The following LSS variants were observed in gnomAD, a reference collection of about 807,000 sequenced individuals.
The protein encoded by LSS is lanosterol synthase.
In LSS, 90 loss-of-function variants were observed where a neutral mutation model predicts 110.3. That is an observed-to-expected ratio of 0.82 (90% CI 0.69 to 0.97). The LOEUF (loss-of-function observed/expected upper bound fraction) is 0.97, where lower values mean the gene tolerates loss of function less well. LSS is among the 50% of genes least tolerant of loss of function. The pLI is 0.00. For missense variants in LSS, 927 were observed against 990.0 expected (o/e 0.94, Z 0.85); for synonymous variants, 433 against 400.0 (o/e 1.08, Z -0.98).
rs2079761103 is a variant in LSS, at chr21:46,188,529, T to C, written c.*2575A>G. The stretch of plus-strand genomic sequence containing the variant: ...CACCGGTACAGCTGCCATCTCCTCT[T>C]GGTGGTGTCCTTTGTCAAGAGCATG... On this transcript the variant is annotated 3_prime_UTR_variant, in exon 22 of 22. Transcript: ENST00000397728. The C allele has an allele frequency of 2.7e-4, 111 of 417,830 alleles. No individual in the cohort carries two copies. The highest frequency in any genetic ancestry group is 2.0e-3 in the Admixed American group (67 of 33,020). 25.9% of individuals were successfully genotyped at this position (417,830 alleles called of 1,614,324 possible).
At chr21:46,206,068 C>A in intron 16 of LSS, 127 bp from the exon 17 acceptor site, 1 of 670,130 alleles carries the variant, frequency 1.5e-6, no homozygotes, top group Non-Finnish European at 2.6e-6. Context: ...CCTCCCTGAC[C>A]AACCTCCAGA....
chr21:46,216,485 G>C lies in LSS; in HGVS notation c.687C>G (p.Leu229=). Residue 229 remains leucine (L), a synonymous_variant, in exon 7 of 22, where the codon CTC becomes CTG. Transcript: ENST00000397728. This position sits in a 1 kb window ranked among gnomAD's most constrained non-coding sequence, Gnocchi z 4.2. ...GGTACACCTGCCGGCAGTGGCACCA[G>C]AGTGTGGAGGGGTGTGCCGGTGCCC... ...PDWAPAHPST[L]WCHCRQVYLP... The C allele has an allele frequency of 6.2e-7, 1 of 1,613,110 alleles. No individual in the cohort carries two copies. Among genetic ancestry groups the C allele is most frequent in the South Asian group, 1.1e-5 (1 of 91,036 alleles).
rs543253862 is a variant in LSS at position 46,209,990 on chromosome 21, C to G, written c.1195-365G>C. Reference sequence around the variant, plus strand: ...TTCAGAATCCCACCTACCTCATTCCCACCGGCATAAAAATCCACTCTCGTT... The same window carrying G: ...TTCAGAATCCCACCTACCTCATTCCGACCGGCATAAAAATCCACTCTCGTT... On this transcript the variant is annotated intron_variant, in intron 12 of 21. Transcript: ENST00000397728. This position sits in a 1 kb window ranked among gnomAD's most constrained non-coding sequence, Gnocchi z 4.4. 6.6e-6 allele frequency among the ~76,000 whole-genome samples: 1 copy of G among 152,200 alleles called. No individual in the cohort carries two copies. Among genetic ancestry groups the G allele is most frequent in the African/African-American group, 2.4e-5 (1 of 41,528 alleles).
In LSS at chr21:46,195,848, C is replaced by T; in HGVS notation, c.1737-92G>A. 4.9e-6 allele frequency: 5 copies of T among 1,016,280 alleles called. No homozygotes were observed. The Admixed American group carries it at 9.4e-5, about 19-fold the overall frequency. 63.0% of individuals were successfully genotyped at this position (1,016,280 alleles called of 1,614,324 possible). Reference sequence around the variant, plus strand: ...CATTCTGCAACAATCACACGTGCCCCAGCCAGCCCACCAACTCCAGTGCCT... The same window carrying T: ...CATTCTGCAACAATCACACGTGCCCTAGCCAGCCCACCAACTCCAGTGCCT... On this transcript the variant is annotated intron_variant, in intron 18 of 21. Coordinates refer to ENST00000397728, the MANE Select transcript of LSS (RefSeq NM_002340.6).
Position 46,227,556 on chromosome 21 carries a change from C to T in LSS, c.315G>A (p.Leu105=). 6.2e-7 allele frequency: 1 copy of T among 1,613,982 alleles called. No individual in the cohort carries two copies. Among genetic ancestry groups the T allele is most frequent in the Non-Finnish European group, 8.5e-7 (1 of 1,179,984 alleles). Residue 105 remains leucine, a synonymous_variant, in exon 3 of 22, where the codon CTG becomes CTA. Coordinates refer to ENST00000397728, the MANE Select transcript of LSS (RefSeq NM_002340.6). ...TGDYGGPLFL[L]PGLLITCHVA... ...GCTGGGGCAGCATACTCCTACCTGG[C>T]AGGAGGAAAAGTGGGCCACCATAAT...
At chr21:46,208,366 G>A in intron 13 of LSS, 65 bp from the exon 14 acceptor site, 1 of 1,372,386 alleles carries the variant, frequency 7.3e-7, no homozygotes. Context: ...CCCCATCTGG[G>A]ACATCGCTGA....
At chr21:46,212,182 T>C (rs2080143113) in intron 11 of LSS, among the ~76,000 whole-genome samples, 5 of 152,202 alleles carry the variant, frequency 3.3e-5, no homozygotes, top group Admixed American at 2.6e-4. Flanking sequence ...CCGGGGAGCC[T>C]CTGGGGAGCT....
chr21:46,204,972 G>A (rs572169673), intron 17 of LSS, among the ~76,000 whole-genome samples: 3 of 152,128 alleles, frequency 2.0e-5, no homozygotes, highest in South Asian at 4.2e-4. Context: ...TGTGACCAAG[G>A]TGAGTCTACA....
rs758316663 is a variant in LSS at position 46,195,769 on chromosome 21, A to G, written c.1737-13T>C. 2 of 1,610,908 alleles carry G rather than the reference A, an allele frequency of 1.2e-6. No individual in the cohort carries two copies. Among genetic ancestry groups the G allele is most frequent in the African/African-American group, 1.3e-5 (1 of 75,034 alleles). Reference sequence around the variant, plus strand: ...AACTCCCCAGGAGCTGGAGGGAAACAGGGAGAGCCTCAGCCCTTCCACCCT... The same window carrying G: ...AACTCCCCAGGAGCTGGAGGGAAACGGGGAGAGCCTCAGCCCTTCCACCCT... On this transcript the variant is annotated splice_polypyrimidine_tract_variant and intron_variant, in intron 18 of 21. Transcript: ENST00000397728.
intron 17 of LSS, among the ~76,000 whole-genome samples, chr21:46,203,128 C>A (rs1427326452): frequency 6.6e-6 from 1 of 152,232 alleles, no homozygotes; most frequent in Non-Finnish European, 1.5e-5. Context: ...CCAGGTCAGA[C>A]AGCCAGAAGG....
chr21:46,222,430 T>C, intron 4 of LSS, 200 bp downstream of exon 4: 1 of 579,716 alleles, frequency 1.7e-6, no homozygotes, highest in South Asian at 2.1e-5. Flanking sequence ...AAAATCCATT[T>C]AACAAAAGAT....
In LSS at chr21:46,189,642, A is replaced by ATC; in HGVS notation, c.*1461_*1462insGA. The ATC allele has an allele frequency of 2.2e-6, 1 of 455,988 alleles. No individual in the cohort carries two copies. Among genetic ancestry groups the ATC allele is most frequent in the Admixed American group, 2.3e-5 (1 of 42,574 alleles). The allele number at this position is 455,988 out of a possible 1,614,324, so 28.2% of individuals were successfully genotyped here. A position where few individuals can be genotyped will look rare whatever the true frequency, so the allele number is the denominator to read the frequency against. On this transcript the variant is annotated 3_prime_UTR_variant, in exon 22 of 22. Transcript: ENST00000397728. ...GCCCCTGAAGGACTCTGGGCAGGCA[A>ATC]TGACAGGATCTGAGGGTGTCCAGAC...
intron 2 of LSS, 118 bp from the exon 3 acceptor site, chr21:46,227,808 T>A: frequency 3.4e-6 from 4 of 1,189,984 alleles, no homozygotes; most frequent in Non-Finnish European, 4.7e-6. Context: ...CTTTAAAAGT[T>A]TCAGCTGTTT....
rs2080068138 is a variant in LSS at position 46,207,499 on chromosome 21, G to A, written c.1396C>T (p.Leu466Phe). 3.1e-6 allele frequency: 5 copies of A among 1,612,500 alleles called. No homozygotes were observed. Among genetic ancestry groups the A allele is most frequent in the Non-Finnish European group, 4.2e-6 (5 of 1,179,516 alleles). Residue 466 changes from leucine (L) to phenylalanine (F), a missense_variant, in exon 15 of 22, where the codon CTC becomes TTC. By Grantham distance (22) the Leu-to-Phe change is conservative. Coordinates refer to ENST00000397728, the MANE Select transcript of LSS (RefSeq NM_002340.6). ...ACATGGGGACACTTCTCCTGCAGGA[G>A]CAGCACAGCCTTCAAGGCCTCAGCC... Reference protein sequence around the residue: ...CTAEALKAVLLLQEKCPHVTE... With the variant: ...CTAEALKAVLFLQEKCPHVTE...
chr21:46,217,965 C>T (rs1267366639), intron 6 of LSS, among the ~76,000 whole-genome samples: 1 of 152,226 alleles, frequency 6.6e-6, no homozygotes, highest in Non-Finnish European at 1.5e-5. Flanking sequence ...CCGGGGTGAT[C>T]TCACCATCCC....
chr21:46,219,059 G>A (rs553761140), intron 6 of LSS, among the ~76,000 whole-genome samples: 4 of 152,286 alleles, frequency 2.6e-5, no homozygotes, highest in East Asian at 1.9e-4. Context: ...CACACGCTGA[G>A]TCCACAGGTG....
chr21:46,189,108 AAC>A lies in LSS; in HGVS notation c.*1994_*1995del, dbSNP rs2079769066. 3 of 248,448 alleles carry A rather than the reference AAC, an allele frequency of 1.2e-5. No individual in the cohort carries two copies. The highest frequency in any genetic ancestry group is 2.4e-5 in the Non-Finnish European group (3 of 124,264). 15.4% of individuals were successfully genotyped at this position (248,448 alleles called of 1,614,324 possible). On this transcript the variant is annotated 3_prime_UTR_variant, in exon 22 of 22. Transcript: ENST00000397728. ...TGCAGTTCTCCCCAGGATGAAACGA[AAC>A]ACAGTGTGACAGGCTTCTGATAAGG... is the stretch of plus-strand genomic sequence containing the variant.
chr21:46,217,761 C>A (rs940748345), intron 6 of LSS, among the ~76,000 whole-genome samples: 3 of 152,234 alleles, frequency 2.0e-5, no homozygotes, highest in South Asian at 2.1e-4. Context: ...GGAACCCACA[C>A]CCCTCCTGCC....
rs887602835 is a variant in LSS, at chr21:46,207,327, C to T, written c.1467+101G>A. 27 of 1,430,070 alleles carry T rather than the reference C, an allele frequency of 1.9e-5. 1 individual carries two copies. The African/African-American group carries it at 2.5e-4, about 13-fold the overall frequency. The allele number at this position is 1,430,070 out of a possible 1,614,324, so 88.6% of individuals were successfully genotyped here. A position where few individuals can be genotyped will look rare whatever the true frequency, so the allele number is the denominator to read the frequency against. On this transcript the variant is annotated intron_variant, in intron 15 of 21. Transcript: ENST00000397728. ...CAAGGACAAGCTCCTACGGCCTGGC[C>T]GGACTGTGTGCTGGGCTGGAGCCCA...
Sources: gnomAD v4.1 joint callset for allele counts (sites outside exome capture counted in the v4.1 genomes callset) on GRCh38, gnomAD v4.1.1 for gene constraint, Gnocchi (gnomAD v3.1) non-coding constraint, MANE v1.5 for transcripts, NCBI Gene and HGNC (gene_info 2026-07-23, HGNC 2026-07-21) for gene names.